The following STK11 variants were observed in gnomAD, a reference collection of about 807,000 sequenced individuals.
The protein encoded by STK11 is serine/threonine kinase 11.
Under a neutral mutation model 47.3 loss-of-function variants are expected in STK11, and 8 were observed. That is an observed-to-expected ratio of 0.17 (90% CI 0.10 to 0.31). The LOEUF is 0.31. STK11 is among the 10% of genes least tolerant of loss of function. STK11 has a pLI of 1.00. For missense variants in STK11, 475 were observed against 605.0 expected (o/e 0.79, Z 2.25); for synonymous variants, 330 against 255.8 (o/e 1.29, Z -2.77).
chr19:1,219,544 G>C (rs1165645315), intron 3 of STK11, 131 bp downstream of exon 3: 1 of 948,098 alleles, frequency 1.1e-6, no homozygotes. Context: ...TTGTTTTTTT[G>C]TTTTTTTGTG....
intron 9 of STK11, chr19:1,226,926 C>G (rs1191637431): frequency 4.2e-6 from 2 of 481,472 alleles, no homozygotes; most frequent in Non-Finnish European, 7.2e-6. Flanking sequence ...ACAGCCACCT[C>G]TCAGAGTGGG....
intron 3 of STK11, among the ~76,000 whole-genome samples, chr19:1,219,805 A>G (rs956154920): frequency 6.6e-6 from 1 of 152,066 alleles, no homozygotes; most frequent in African/African-American, 2.4e-5. Flanking sequence ...TCAGCCTCCC[A>G]AAGTGCTGGG....
chr19:1,213,122 G>A (rs894069452), intron 1 of STK11, among the ~76,000 whole-genome samples: 3 of 145,286 alleles, frequency 2.1e-5, no homozygotes, highest in Non-Finnish European at 3.0e-5. Context: ...TCAGCCTCCC[G>A]AATAGCTGGG....
chr19:1,220,420 G>A lies in STK11; in HGVS notation c.512G>A (p.Gly171Asp), dbSNP rs1358890732. Residue 171 changes from glycine to aspartate, a missense_variant, in exon 4 of 10, where the codon GGC (glycine) becomes GAC (aspartate). Physicochemically the swap from Gly to Asp is moderately conservative, Grantham distance 94. This residue lies in a region of STK11 where 130 missense variants were observed against 239.7 expected (regional missense o/e 0.54). Transcript: ENST00000326873. ...IDGLEYLHSQ[G>D]IVHKDIKPGN... ...GGCCTGGAGTACCTGCATAGCCAGG[G>A]CATTGTGCACAAGGACATCAAGCCG... 1.2e-6 allele frequency: 2 copies of A among 1,605,656 alleles called. No homozygotes were observed. The highest frequency in any genetic ancestry group is 3.4e-5 in the Admixed American group (2 of 58,984).
intron 1 of STK11, among the ~76,000 whole-genome samples, chr19:1,209,241 G>T (rs575940736): frequency 2.0e-5 from 3 of 151,994 alleles, no homozygotes; most frequent in Admixed American, 2.0e-4. Context: ...GGGGTAGCAG[G>T]TGCCCTCTAA....
chr19:1,219,614 C>T (rs998653684), intron 3 of STK11, among the ~76,000 whole-genome samples: 4 of 151,946 alleles, frequency 2.6e-5, no homozygotes, highest in Admixed American at 6.6e-5. Context: ...GGTGCGATCT[C>T]GGCTCACTGC....
chr19:1,214,279 C>A (rs1479877351), intron 1 of STK11, among the ~76,000 whole-genome samples: 1 of 152,228 alleles, frequency 6.6e-6, no homozygotes. Context: ...GCTCCACCCC[C>A]ACTCCTCCCC....
chr19:1,216,025 G>A (rs150427284), intron 1 of STK11, among the ~76,000 whole-genome samples: 2 of 151,768 alleles, frequency 1.3e-5, no homozygotes, highest in African/African-American at 4.8e-5. Context: ...GAGTCACCGC[G>A]CCTGGCCCCC....
At chr19:1,219,265 G>A (rs951854010) in intron 2 of STK11, 59 bp from the exon 3 acceptor site, 19 of 1,542,086 alleles carry the variant, frequency 1.2e-5, no homozygotes, top group Admixed American at 5.9e-5. Context: ...TCTGGCCCCC[G>A]TGCTCCCTGG....
At chr19:1,213,249 G>A (rs1411308422) in intron 1 of STK11, among the ~76,000 whole-genome samples, 3 of 151,946 alleles carry the variant, frequency 2.0e-5, no homozygotes, top group South Asian at 4.2e-4. Flanking sequence ...TGCCTGCCTC[G>A]GCCTCCCAAA....
At chr19:1,209,772 G>A (rs944480714) in intron 1 of STK11, among the ~76,000 whole-genome samples, 1 of 151,952 alleles carries the variant, frequency 6.6e-6, no homozygotes, top group East Asian at 1.9e-4. Flanking sequence ...GCACCTGAAC[G>A]GTAGGGCAGA....
chr19:1,206,233 C>G lies in STK11; in HGVS notation c.-681C>G, dbSNP rs1342047489. 1 of 192,716 alleles carries G rather than the reference C, an allele frequency of 5.2e-6. No homozygotes were observed. Among genetic ancestry groups the G allele is most frequent in the South Asian group, 1.9e-4 (1 of 5,206 alleles). 11.9% of individuals were successfully genotyped at this position (192,716 alleles called of 1,614,324 possible). A position where few individuals can be genotyped will look rare whatever the true frequency, so the allele number is the denominator to read the frequency against. ...TCGCGGGCGCCGGGCAGCGACCAGC[C>G]CTGAGCGGAGCTGTTGGCCGCGGCG... On this transcript the variant is annotated 5_prime_UTR_variant, in exon 1 of 10. Transcript: ENST00000326873.
chr19:1,224,899 C>G (rs957588259), intron 8 of STK11: 21 of 985,716 alleles, frequency 2.1e-5, no homozygotes, highest in Non-Finnish European at 2.5e-5. Context: ...CAGGCTTCAG[C>G]GTGAGCCCCG....
intron 1 of STK11, among the ~76,000 whole-genome samples, chr19:1,215,856 C>T (rs2080741434): frequency 6.6e-6 from 1 of 152,132 alleles, no homozygotes; most frequent in Non-Finnish European, 1.5e-5. Flanking sequence ...CCTGCCTCAG[C>T]CTCCTGAGTA....
rs730881988 is a variant in STK11 at position 1,223,014 on chromosome 19, A to C, written c.950A>C (p.Glu317Ala). 2.5e-6 allele frequency: 4 copies of C among 1,577,492 alleles called. No homozygotes were observed. Among genetic ancestry groups the C allele is most frequent in the Middle Eastern group, 1.7e-4 (1 of 6,020 alleles). Residue 317 changes from glutamate (E) to alanine (A), a missense_variant, in exon 8 of 10, where the codon GAA becomes GCA. By Grantham distance (107) the Glu-to-Ala change is moderately radical. This residue lies in a region of STK11 where 219 missense variants were observed against 189.2 expected (regional missense o/e 1.16). Transcript: ENST00000326873. ...TTCCGGAAGAAACATCCTCCGGCTGAAGCACCAGTGCCCATCCCACCGAGC... is the reference window on the plus strand; with the variant it reads ...TTCCGGAAGAAACATCCTCCGGCTGCAGCACCAGTGCCCATCCCACCGAGC... ...SWFRKKHPPA[E>A]APVPIPPSPD...
chr19:1,225,282 T>G, intron 8 of STK11: 1 of 985,088 alleles, frequency 1.0e-6, no homozygotes, highest in Non-Finnish European at 1.2e-6. Context: ...TTATCTTTTT[T>G]TTTTTTTGGA....
At chr19:1,224,459 C>G (rs184582848) in intron 8 of STK11, 1 of 985,450 alleles carries the variant, frequency 1.0e-6, no homozygotes, top group Admixed American at 6.1e-5. Context: ...CCAGGGTCTT[C>G]TGCCTTTCAG....
rs1004347190 is a variant in STK11, at chr19:1,206,020, G to A, written c.-894G>A. 6.9e-6 allele frequency: 1 copy of A among 145,710 alleles called. No homozygotes were observed. Among genetic ancestry groups the A allele is most frequent in the African/African-American group, 2.5e-5 (1 of 40,568 alleles). The allele number at this position is 145,710 out of a possible 1,614,324, so 9.0% of individuals were successfully genotyped here. ...CCCCCCGGCCCGGAGCCTGCGGCCT[G>A]CGCCGCCTCGGCCGCCGGGAGCCCC... is the stretch of plus-strand genomic sequence containing the variant. On this transcript the variant is annotated 5_prime_UTR_variant, in exon 1 of 10. Transcript: ENST00000326873.
At chr19:1,208,603 C>T (rs1381955875) in intron 1 of STK11, among the ~76,000 whole-genome samples, 2 of 115,088 alleles carry the variant, frequency 1.7e-5, no homozygotes, top group East Asian at 5.5e-4. Context: ...TCAACGCGTG[C>T]GGCCTTTTTT....
Sources: gnomAD v4.1 joint callset for allele counts (sites outside exome capture counted in the v4.1 genomes callset) on GRCh38, gnomAD v4.1.1 for gene constraint, gnomAD v4.1.1 regional missense constraint, MANE v1.5 for transcripts, NCBI Gene and HGNC (gene_info 2026-07-23, HGNC 2026-07-21) for gene names.